The following SEPTIN6 variants were observed in gnomAD, a reference collection of about 807,000 sequenced individuals.
SEPTIN6 encodes the protein septin-6.
A neutral mutation model predicts 33.6 loss-of-function variants in SEPTIN6; 8 were observed. The ratio of observed to expected loss-of-function variants is 0.24; its 90% CI spans 0.14 to 0.43. SEPTIN6 has a LOEUF of 0.43. SEPTIN6 is among the 20% of genes least tolerant of loss of function. The pLI is 1.00. For missense variants in SEPTIN6, 250 were observed against 340.8 expected (o/e 0.73, Z 2.10); for synonymous variants, 131 against 140.0 (o/e 0.94, Z 0.45).
chrX:119,690,582 G>A lies in SEPTIN6; in HGVS notation c.30+2494C>T, dbSNP rs778486554. Among the ~76,000 whole-genome samples the A allele has an allele frequency of 2.1e-3, 229 of 107,946 alleles. 1 individual carries two copies. The highest frequency in any genetic ancestry group is 6.1e-3 in the African/African-American group (181 of 29,572). 93.7% of individuals were successfully genotyped at this position (107,946 alleles called of 115,157 possible). A position where few individuals can be genotyped will look rare whatever the true frequency, so the allele number is the denominator to read the frequency against. ...TACTAAAAATATCAAAACTAGCCAG[G>A]TGTGGTGGCGGGTGCCTGTAATCCC... On this transcript the variant is annotated intron_variant, in intron 1 of 10. Transcript: ENST00000394610.
intron 2 of SEPTIN6, among the ~76,000 whole-genome samples, chrX:119,665,805 G>A (rs756986473): frequency 9.0e-6 from 1 of 111,232 alleles, no homozygotes; most frequent in Admixed American, 9.6e-5. Context: ...GAGAGGGCCA[G>A]GCGCGGTGGC....
rs1277498379 is a variant in SEPTIN6, at chrX:119,663,648, T to A, written c.175A>T (p.Met59Leu). ...AATTTGGTGTTGAACAGGGTGTCCA[T>A]GAGGGTGGACTTGCCCAAACCTGTC... ...GETGLGKSTLMDTLFNTKFEG... is the reference protein window; with the variant it reads ...GETGLGKSTLLDTLFNTKFEG... The change falls in exon 3 of 11, where the codon ATG (methionine) becomes TTG (leucine). Residue 59 changes from methionine to leucine, a missense_variant. By Grantham distance (15) the Met-to-Leu change is conservative. Transcript: ENST00000394610. 1 of 1,209,385 alleles carries A rather than the reference T, an allele frequency of 8.3e-7. No individual in the cohort carries two copies. The highest frequency in any genetic ancestry group is 1.7e-5 in the African/African-American group (1 of 57,659).
At chrX:119,642,482 C>T (rs753697666) in intron 5 of SEPTIN6, among the ~76,000 whole-genome samples, 15 of 110,296 alleles carry the variant, frequency 1.4e-4, no homozygotes, top group Admixed American at 9.8e-4. Context: ...TCAGCAGGCA[C>T]ACAATAGTAA....
intron 8 of SEPTIN6, among the ~76,000 whole-genome samples, chrX:119,630,791 G>A (rs2053943806): frequency 9.0e-6 from 1 of 110,598 alleles, no homozygotes; most frequent in Admixed American, 9.6e-5. Flanking sequence ...TACTTGGGAG[G>A]CTGAGACAGG....
intron 1 of SEPTIN6, among the ~76,000 whole-genome samples, chrX:119,687,024 G>T (rs112331942): frequency 9.1e-6 from 1 of 110,306 alleles, no homozygotes; most frequent in Admixed American, 9.6e-5. Context: ...GTGTTTAATC[G>T]TATCACCCAC....
At chrX:119,687,640 A>G (rs968511787) in intron 1 of SEPTIN6, among the ~76,000 whole-genome samples, 1 of 112,035 alleles carries the variant, frequency 8.9e-6, no homozygotes, top group Non-Finnish European at 1.9e-5. Flanking sequence ...CTGATCATCC[A>G]AAAACCCAGG....
chrX:119,642,272 A>G (rs2054170712), intron 5 of SEPTIN6, among the ~76,000 whole-genome samples: 1 of 111,028 alleles, frequency 9.0e-6, no homozygotes, highest in South Asian at 3.8e-4. Flanking sequence ...GGGAAGTCAA[A>G]TAAGTTGTTT....
At position 119,649,938 on chromosome X, in the gene SEPTIN6, T is replaced by C. The variant is rs748783813; in HGVS notation, c.689A>G (p.Asn230Ser). The change falls in exon 5 of 11, where the codon AAC becomes AGC. Residue 230 changes from asparagine to serine, a missense_variant and splice_region_variant. By Grantham distance (46) the Asn-to-Ser change is conservative. Coordinates refer to ENST00000394610, the MANE Select transcript of SEPTIN6 (RefSeq NM_145799.4). ...GGTCAGGAAATTGCTCCCACTCACG[T>C]TCATGGTTCCATTGATCTCTGCCAC... The part of the protein sequence containing the change: ...ESVAEINGTM[N>S]AHLPFAVIGS... 1 of 1,206,610 alleles carries C rather than the reference T, an allele frequency of 8.3e-7. No homozygotes were observed. The highest frequency in any genetic ancestry group is 1.7e-5 in the African/African-American group (1 of 57,181).
chrX:119,678,376 C>T (rs1343661480), intron 1 of SEPTIN6, among the ~76,000 whole-genome samples: 19 of 110,243 alleles, frequency 1.7e-4, no homozygotes, highest in Non-Finnish European at 2.5e-4. Context: ...AAAAATTAGC[C>T]GGGCGTGGTG....
At chrX:119,616,496 C>G (rs1424113221), downstream of SEPTIN6, 1 of 508,997 alleles carries the variant, frequency 2.0e-6, no homozygotes, top group East Asian at 3.5e-5. Flanking sequence ...CTTTTCCTGC[C>G]TTGTTAGTTA....
chrX:119,638,475 T>G (rs2054103929), intron 6 of SEPTIN6, among the ~76,000 whole-genome samples: 1 of 110,846 alleles, frequency 9.0e-6, no homozygotes, highest in African/African-American at 3.3e-5. Flanking sequence ...GTAGGAAAAA[T>G]GGTGTCTGAA....
rs2053679354 is a variant in SEPTIN6, at chrX:119,617,162, A to G, written c.*2931T>C. On this transcript the variant is annotated 3_prime_UTR_variant, in exon 11 of 11. Coordinates refer to ENST00000394610, the MANE Select transcript of SEPTIN6 (RefSeq NM_145799.4). ...TGTGTGTGTGTGTTTCAGAAAAGCC[A>G]CTCCAGTCTGGGAAAATAAAAGCAC... 1.1e-5 allele frequency: 9 copies of G among 816,375 alleles called. No homozygotes were observed. Among genetic ancestry groups the G allele is most frequent in the Non-Finnish European group, 1.3e-5 (9 of 678,841 alleles). The allele number at this position is 816,375 out of a possible 1,213,427, so 67.3% of individuals were successfully genotyped here.
chrX:119,618,713 C>T lies in SEPTIN6; in HGVS notation c.*1380G>A, dbSNP rs182277954. 3.8e-5 allele frequency: 46 copies of T among 1,199,238 alleles called. No homozygotes were observed. In the East Asian group the frequency reaches 1.3e-3, roughly 35 times the overall value. On this transcript the variant is annotated 3_prime_UTR_variant, in exon 11 of 11. Coordinates refer to ENST00000394610, the MANE Select transcript of SEPTIN6 (RefSeq NM_145799.4). ...GAAAGCTGTCAGTTAAAATAGGAAC[C>T]TCGGCTTAAAAGGCTAAATGGAGTC...
At chrX:119,637,297 C>CT in intron 6 of SEPTIN6, 102 bp from the exon 7 acceptor site, 1 of 732,679 alleles carries the variant, frequency 1.4e-6, no homozygotes, top group Non-Finnish European at 2.0e-6. Context: ...GTGACGTTGC[C>CT]TTGCAATCTG....
intron 3 of SEPTIN6, among the ~76,000 whole-genome samples, chrX:119,661,549 A>C (rs978734477): frequency 8.9e-6 from 1 of 112,481 alleles, no homozygotes; most frequent in Admixed American, 9.4e-5. Flanking sequence ...TTCACCTAAG[A>C]AGCAAGAGAA....
chrX:119,617,561 G>A lies in SEPTIN6; in HGVS notation c.*2532C>T, dbSNP rs1009552501. On this transcript the variant is annotated 3_prime_UTR_variant, in exon 11 of 11. Transcript: ENST00000394610. ...GCCCTCACCCAATCCATCTTCAGAT[G>A]TTTTTCTGTGGAAAAAAACCTCGAG... is the stretch of plus-strand genomic sequence containing the variant. The A allele has an allele frequency of 3.7e-6, 3 of 801,606 alleles. No individual in the cohort carries two copies. The highest frequency in any genetic ancestry group is 6.2e-4 in the Middle Eastern group (1 of 1,614). The allele number at this position is 801,606 out of a possible 1,213,427, so 66.1% of individuals were successfully genotyped here.
chrX:119,663,471 G>T lies in SEPTIN6; in HGVS notation c.341+11C>A. The stretch of plus-strand genomic sequence containing the variant: ...CCTCCCCACCCTACCCCACCCCACC[G>T]CCTTCTTTACCTGTCCTCTTTGTTG... On this transcript the variant is annotated intron_variant, in intron 3 of 10. Coordinates refer to ENST00000394610, the MANE Select transcript of SEPTIN6 (RefSeq NM_145799.4). 3.4e-6 allele frequency: 1 copy of T among 297,599 alleles called. No homozygotes were observed. Among genetic ancestry groups the T allele is most frequent in the Non-Finnish European group, 5.7e-6 (1 of 175,863 alleles). 24.5% of individuals were successfully genotyped at this position (297,599 alleles called of 1,213,427 possible).
At chrX:119,645,820 GCAC>G (rs2147517154) in intron 5 of SEPTIN6, among the ~76,000 whole-genome samples, 1 of 111,684 alleles carries the variant, frequency 9.0e-6, no homozygotes, top group East Asian at 2.8e-4. Context: ...GTGAGCCACT[GCAC>G]CCAGCCCCGA....
At chrX:119,633,526 T>C in intron 7 of SEPTIN6, 34 bp from the exon 8 acceptor site, 1 of 1,169,624 alleles carries the variant, frequency 8.5e-7, no homozygotes, top group Non-Finnish European at 1.1e-6. Context: ...CTTCTTCCTT[T>C]GGAATGATTC....
Sources: allele counts gnomAD v4.1 joint callset (sites outside exome capture counted in the v4.1 genomes callset), GRCh38; gene constraint gnomAD v4.1.1; transcripts MANE v1.5; gene names NCBI Gene and HGNC (gene_info 2026-07-23, HGNC 2026-07-21).